The following PGBD2 variants were observed in gnomAD, a reference collection of about 807,000 sequenced individuals.
PGBD2 encodes piggyBac transposable element derived 2.
PGBD2 carries 6 observed loss-of-function variants against 8.1 expected under a neutral mutation model. The ratio of observed to expected loss-of-function variants is 0.74; its 90% CI spans 0.40 to 1.46. The LOEUF (loss-of-function observed/expected upper bound fraction) is 1.46. Among genes scored for constraint, PGBD2 ranks in the 40% most tolerant of loss-of-function variants. The pLI is 0.02. For synonymous variants in PGBD2, 318 were observed against 272.2 expected, an observed-to-expected ratio of 1.17 and a Z score of -1.66; for missense variants, 802 against 739.0, an observed-to-expected ratio of 1.09 and a Z score of -0.99.
downstream of PGBD2, among the ~76,000 whole-genome samples, chr1:248,922,082 C>A (rs1218456367): frequency 1.4e-5 from 2 of 143,748 alleles, no homozygotes; most frequent in Admixed American, 1.4e-4. Flanking sequence ...TTTTTTGAGA[C>A]AGAGTCTCAC....
the PGBD2 span, among the ~76,000 whole-genome samples, chr1:248,893,786 T>C: frequency 2.8e-4 from 42 of 152,242 alleles, no homozygotes; most frequent in African/African-American, 9.6e-4. Context: ...TTGACAGTTC[T>C]AGTTTAAGTC....
At chr1:248,912,991 G>A (rs1249289908) in intron 1 of PGBD2, among the ~76,000 whole-genome samples, 2 of 151,864 alleles carry the variant, frequency 1.3e-5, no homozygotes, top group African/African-American at 4.8e-5. Context: ...TAGTAGACAC[G>A]GGGTTTCTCC....
the PGBD2 span, among the ~76,000 whole-genome samples, chr1:248,874,472 C>A: frequency 0.039 from 5,893 of 152,222 alleles, 378 homozygotes; most frequent in African/African-American, 0.13. Flanking sequence ...GCAGTTTATG[C>A]GCGCCGTATA....
At chr1:248,907,762 G>A (rs1284110192) in intron 1 of PGBD2, among the ~76,000 whole-genome samples, 1 of 152,182 alleles carries the variant, frequency 6.6e-6, no homozygotes, top group Non-Finnish European at 1.5e-5. Flanking sequence ...GGTCAAGGTT[G>A]GAGCAAAGAG....
At chr1:248,903,094 C>T (rs1661562645), upstream of PGBD2, among the ~76,000 whole-genome samples, 1 of 152,166 alleles carries the variant, frequency 6.6e-6, no homozygotes, top group South Asian at 2.1e-4. Context: ...AACTTCTGTG[C>T]TCAAATGATC....
At chr1:248,916,038 A>G (rs1662085061) in intron 2 of PGBD2, among the ~76,000 whole-genome samples, 1 of 152,192 alleles carries the variant, frequency 6.6e-6, no homozygotes, top group South Asian at 2.1e-4. Flanking sequence ...TCTGCTTTAG[A>G]GTACATCGTT....
upstream of PGBD2, among the ~76,000 whole-genome samples, chr1:248,904,751 A>C (rs1052212177): frequency 3.9e-5 from 6 of 152,200 alleles, no homozygotes; most frequent in African/African-American, 1.4e-4. Context: ...CCTCAAATAC[A>C]ACCTTCTCAC....
At chr1:248,914,420 C>T (rs1355671175) in intron 2 of PGBD2, 3 of 1,248,568 alleles carry the variant, frequency 2.4e-6, no homozygotes, top group Non-Finnish European at 2.1e-6. Context: ...AAGCCGGTCT[C>T]TTTTTCTGGC....
intron 2 of PGBD2, among the ~76,000 whole-genome samples, chr1:248,916,003 T>C (rs1662084220): frequency 6.6e-6 from 1 of 152,196 alleles, no homozygotes; most frequent in Admixed American, 6.5e-5. Flanking sequence ...GACAGCAGCA[T>C]CTGGATTCAT....
chr1:248,905,477 T>C (rs777032978), upstream of PGBD2, among the ~76,000 whole-genome samples: 118 of 151,844 alleles, frequency 7.8e-4, 3 homozygotes, highest in Non-Finnish European at 2.4e-4. Context: ...TTATTTGTCA[T>C]AACTAGAGTG....
chr1:248,927,335 A>G, the PGBD2 span, among the ~76,000 whole-genome samples: 1 of 152,132 alleles, frequency 6.6e-6, no homozygotes, highest in Non-Finnish European at 1.5e-5. Context: ...GAAAATAAGG[A>G]GGAGGAGCAG....
In PGBD2 at chr1:248,918,989, GT is replaced by G. The variant is rs1164295336; in HGVS notation, c.*628del. On this transcript the variant is annotated 3_prime_UTR_variant, in exon 3 of 3. Transcript: ENST00000329291. ...ACATAGTAGGAGTGTATTTTTATGG[GT>G]TACATGAGATATTCTGATACAAACA... 5 of 166,750 alleles carry G rather than the reference GT, an allele frequency of 3.0e-5. No homozygotes were observed. In the Admixed American group the frequency reaches 3.3e-4, roughly 11 times the overall value. The allele number at this position is 166,750 out of a possible 1,614,324, so 10.3% of individuals were successfully genotyped here. A position where few individuals can be genotyped will look rare whatever the true frequency, so the allele number is the denominator to read the frequency against.
chr1:248,875,805 C>A, the PGBD2 span, among the ~76,000 whole-genome samples: 1 of 152,132 alleles, frequency 6.6e-6, no homozygotes, highest in Non-Finnish European at 1.5e-5. Flanking sequence ...CCTGTTTTAA[C>A]TTCCTGAATT....
chr1:248,908,593 T>C (rs973475159), intron 1 of PGBD2, among the ~76,000 whole-genome samples: 6 of 152,152 alleles, frequency 3.9e-5, no homozygotes, highest in African/African-American at 1.4e-4. Flanking sequence ...TCTCCCTGCA[T>C]CTATGTTGGG....
chr1:248,897,599 C>G, the PGBD2 span, among the ~76,000 whole-genome samples: 1 of 152,310 alleles, frequency 6.6e-6, no homozygotes, highest in African/African-American at 2.4e-5. Context: ...GGTGGCCACT[C>G]CAGTCAGCAG....
At chr1:248,891,276 G>A in the PGBD2 span, among the ~76,000 whole-genome samples, 1 of 152,158 alleles carries the variant, frequency 6.6e-6, no homozygotes, top group Admixed American at 6.6e-5. Context: ...TGAGATAACA[G>A]TATTAGCCTC....
chr1:248,892,707 G>A, the PGBD2 span, among the ~76,000 whole-genome samples: 4 of 152,194 alleles, frequency 2.6e-5, no homozygotes, highest in Non-Finnish European at 5.9e-5. Context: ...TATCCTGCCT[G>A]ATAAAAGTGT....
upstream of PGBD2, among the ~76,000 whole-genome samples, chr1:248,904,830 CCTTT>C (rs1300864628): frequency 6.6e-6 from 1 of 152,202 alleles, no homozygotes; most frequent in Non-Finnish European, 1.5e-5. Context: ...CCCTTTGCTT[CCTTT>C]ATTTTCTTCC....
At chr1:248,898,148 CCG>C in the PGBD2 span, among the ~76,000 whole-genome samples, 1 of 152,224 alleles carries the variant, frequency 6.6e-6, no homozygotes, top group Non-Finnish European at 1.5e-5. Context: ...ACAGCCTTTC[CCG>C]CCTGCTGGCT....
Sources: gnomAD v4.1 joint callset for allele counts (sites outside exome capture counted in the v4.1 genomes callset) on GRCh38, gnomAD v4.1.1 for gene constraint, MANE v1.5 for transcripts, NCBI Gene and HGNC (gene_info 2026-07-23, HGNC 2026-07-21) for gene names.